Variants in GALNT11 observed in about 807,000 individuals in gnomAD.
The protein encoded by GALNT11 is polypeptide N-acetylgalactosaminyltransferase 11, also known as UDP-GalNAc:polypeptide N-acetylgalactosaminyltransferase 11.
A neutral mutation model predicts 72.7 loss-of-function variants in GALNT11; 47 were observed. The observed-to-expected ratio is 0.65, with a 90% CI of 0.51 to 0.82. The LOEUF is 0.82. Ranked by LOEUF, GALNT11 falls within the 40% of genes least tolerant of loss-of-function variation. The pLI, the probability that GALNT11 is intolerant of heterozygous loss-of-function variation, is 0.00. For synonymous variants in GALNT11, 270 were observed against 286.6 expected, an observed-to-expected ratio of 0.94 and a Z score of 0.58; for missense variants, 677 against 778.4, an observed-to-expected ratio of 0.87 and a Z score of 1.55.
chr7:152,065,560 A>G (rs1366944439), intron 1 of GALNT11, among the ~76,000 whole-genome samples: 2 of 151,970 alleles, frequency 1.3e-5, no homozygotes, highest in Admixed American at 1.3e-4. Context: ...TGTTTTTCCT[A>G]TCTTTGTGGT....
rs537353016 is a variant in GALNT11 at position 152,102,929 on chromosome 7, C to T, written c.420-183C>T. 1.2e-3 allele frequency among the ~76,000 whole-genome samples: 183 copies of T among 148,116 alleles called. No homozygotes were observed. The Middle Eastern group carries it at 0.014, about 11-fold the overall frequency. On this transcript the variant is annotated intron_variant, in intron 3 of 11. Transcript: ENST00000430044. ...CTGGGAGGCGGAGGTCACGATGAGC[C>T]GAGATAGCGCCACTGCACTCCAGCC...
chr7:152,119,429 G>T (rs1032477413), intron 10 of GALNT11: 3 of 152,062 alleles, frequency 2.0e-5, no homozygotes, highest in Admixed American at 1.3e-4. Context: ...GTGGTGGGTT[G>T]GTGTCACTCA....
At chr7:152,089,892 A>G (rs753379356) in intron 1 of GALNT11, among the ~76,000 whole-genome samples, 8 of 152,228 alleles carry the variant, frequency 5.3e-5, no homozygotes, top group Non-Finnish European at 7.3e-5. Context: ...TTTACTTTCT[A>G]CAGGTTCTAC....
intron 1 of GALNT11, among the ~76,000 whole-genome samples, chr7:152,047,637 C>T (rs2083197283): frequency 6.6e-6 from 1 of 151,888 alleles, no homozygotes; most frequent in Admixed American, 6.6e-5. Flanking sequence ...GTTGAGGCTG[C>T]AGTGAGCTGT....
At chr7:152,056,105 G>C (rs937958847) in intron 1 of GALNT11, among the ~76,000 whole-genome samples, 1 of 152,098 alleles carries the variant, frequency 6.6e-6, no homozygotes, top group African/African-American at 2.4e-5. Flanking sequence ...TAAGCTTTTA[G>C]GATTAGATTT....
chr7:152,096,127 C>G (rs1427073947), intron 2 of GALNT11, among the ~76,000 whole-genome samples: 1 of 152,126 alleles, frequency 6.6e-6, no homozygotes, highest in African/African-American at 2.4e-5. Flanking sequence ...CAAAGTAAAC[C>G]TACACACATT....
intron 3 of GALNT11, among the ~76,000 whole-genome samples, chr7:152,101,634 C>CT (rs145722687): frequency 0.046 from 5,004 of 107,982 alleles, 462 homozygotes; most frequent in African/African-American, 0.19. Context: ...AAGTTCATGG[C>CT]TTTTTTTTGG....
At chr7:152,027,315 T>C (rs778100117) in intron 1 of GALNT11, among the ~76,000 whole-genome samples, 7 of 152,208 alleles carry the variant, frequency 4.6e-5, no homozygotes, top group Non-Finnish European at 8.8e-5. Flanking sequence ...ACATGAGATA[T>C]TTGATATGGC....
At chr7:152,095,695 G>A (rs567747932) in intron 2 of GALNT11, among the ~76,000 whole-genome samples, 2 of 152,096 alleles carry the variant, frequency 1.3e-5, no homozygotes, top group African/African-American at 4.8e-5. Flanking sequence ...ATGGGAAAAT[G>A]TCTAGCTCTT....
Position 152,026,663 on chromosome 7 carries a change from C to T in GALNT11, c.-39+779C>T, listed in dbSNP as rs554962958. Among the ~76,000 whole-genome samples the T allele has an allele frequency of 8.5e-5, 13 of 152,208 alleles. No individual in the cohort carries two copies. The South Asian group carries it at 2.5e-3, about 29-fold the overall frequency. On this transcript the variant is annotated intron_variant, in intron 1 of 11. Coordinates refer to ENST00000430044, the MANE Select transcript of GALNT11 (RefSeq NM_022087.4). ...GACTAAGGCACAAGTGGCTATTCCT[C>T]TGCCTGCCCCATGGCGTAAATTGTG...
intron 11 of GALNT11, 102 bp downstream of exon 11, chr7:152,121,070 C>G: frequency 7.1e-7 from 1 of 1,416,122 alleles, no homozygotes; most frequent in Non-Finnish European, 9.5e-7. Flanking sequence ...GGGTGGTCTT[C>G]TCAGTCTGCA....
intron 1 of GALNT11, among the ~76,000 whole-genome samples, chr7:152,049,551 C>A (rs576441107): frequency 6.6e-6 from 1 of 152,304 alleles, no homozygotes; most frequent in East Asian, 1.9e-4. Flanking sequence ...GTGGCCACCA[C>A]CACTGAGATT....
chr7:152,118,455 C>A, intron 9 of GALNT11: 1 of 465,590 alleles, frequency 2.1e-6, no homozygotes, highest in East Asian at 4.2e-5. Context: ...ACACTGTCTG[C>A]ATGTTAAAAC....
At position 152,025,901 on chromosome 7, in the gene GALNT11, C is replaced by A. The variant is rs1224096544; in HGVS notation, c.-39+17C>A. ...GGCAAGGCGGTGAGTACCCTCTAGGCGGCGGCCTCCCGGCGTCCCTCAGCA... is the reference window on the plus strand; with the variant it reads ...GGCAAGGCGGTGAGTACCCTCTAGGAGGCGGCCTCCCGGCGTCCCTCAGCA... On this transcript the variant is annotated intron_variant, in intron 1 of 11. Transcript: ENST00000430044. The A allele has an allele frequency of 8.5e-6, 2 of 236,284 alleles. No individual in the cohort carries two copies. The highest frequency in any genetic ancestry group is 1.8e-5 in the Non-Finnish European group (2 of 108,404). 14.6% of individuals were successfully genotyped at this position (236,284 alleles called of 1,614,324 possible).
intron 10 of GALNT11, 133 bp from the exon 11 acceptor site, chr7:152,120,698 C>A: frequency 1.3e-6 from 1 of 749,036 alleles, no homozygotes; most frequent in Non-Finnish European, 2.2e-6. Context: ...TTGAAATCTG[C>A]TTCCCTGTAA....
At chr7:152,070,220 T>G (rs572462747) in intron 1 of GALNT11, among the ~76,000 whole-genome samples, 4 of 152,258 alleles carry the variant, frequency 2.6e-5, no homozygotes, top group Non-Finnish European at 4.4e-5. Context: ...ATGGTCTCGA[T>G]CTCCTGACCT....
At chr7:152,096,588 G>A (rs1208736811) in intron 2 of GALNT11, among the ~76,000 whole-genome samples, 1 of 151,894 alleles carries the variant, frequency 6.6e-6, no homozygotes, top group Non-Finnish European at 1.5e-5. Flanking sequence ...GGTGGCAGGT[G>A]CCTGTAATCC....
intron 1 of GALNT11, among the ~76,000 whole-genome samples, chr7:152,059,202 C>A (rs986292073): frequency 3.3e-5 from 5 of 152,084 alleles, no homozygotes; most frequent in African/African-American, 1.2e-4. Flanking sequence ...TTCAAGCAGT[C>A]CTCCCGCCTC....
At chr7:152,105,167 A>T in intron 4 of GALNT11, 78 bp from the exon 5 acceptor site, 1 of 1,476,288 alleles carries the variant, frequency 6.8e-7, no homozygotes, top group South Asian at 1.4e-5. Context: ...CAAGTACTAG[A>T]TACAACTTTA....
Sources: gnomAD v4.1 joint callset for allele counts (sites outside exome capture counted in the v4.1 genomes callset) on GRCh38, gnomAD v4.1.1 for gene constraint, MANE v1.5 for transcripts, NCBI Gene and HGNC (gene_info 2026-07-23, HGNC 2026-07-21) for gene names.